Variants in PPP1R12A observed in about 807,000 individuals in gnomAD.
PPP1R12A encodes myosin binding subunit.
PPP1R12A carries 19 observed loss-of-function variants against 139.6 expected under a neutral mutation model. That is an observed-to-expected ratio of 0.14 (90% CI 0.09 to 0.20). PPP1R12A has a LOEUF of 0.20. Ranked by LOEUF, PPP1R12A falls within the 10% of genes least tolerant of loss-of-function variation. PPP1R12A has a pLI of 1.00. For missense variants in PPP1R12A, 925 were observed against 1,211.5 expected, an observed-to-expected ratio of 0.76 and a Z score of 3.51; for synonymous variants, 427 against 420.6, an observed-to-expected ratio of 1.02 and a Z score of -0.19.
chr12:79,892,963 G>A (rs1884797141), intron 1 of PPP1R12A, among the ~76,000 whole-genome samples: 1 of 152,050 alleles, frequency 6.6e-6, no homozygotes, highest in Non-Finnish European at 1.5e-5. Context: ...AATTAGCTGG[G>A]AGTGGTGGCG....
At chr12:79,836,961 T>C (rs1432134677) in intron 3 of PPP1R12A, among the ~76,000 whole-genome samples, 2 of 152,206 alleles carry the variant, frequency 1.3e-5, no homozygotes, top group East Asian at 3.8e-4. Flanking sequence ...GATGCCAATA[T>C]CTATCCCATA....
At chr12:79,819,661 G>A (rs187167414) in intron 8 of PPP1R12A, among the ~76,000 whole-genome samples, 192 of 152,276 alleles carry the variant, frequency 1.3e-3, no homozygotes, top group Non-Finnish European at 2.2e-3. Flanking sequence ...TAGGCTATAG[G>A]TTGAGCACAA....
At chr12:79,835,476 G>A (rs1010915274) in intron 3 of PPP1R12A, among the ~76,000 whole-genome samples, 2 of 152,086 alleles carry the variant, frequency 1.3e-5, no homozygotes, top group Non-Finnish European at 2.9e-5. Context: ...CATCCTATTA[G>A]TTACCAGATT....
chr12:79,893,154 T>C (rs1884820953), intron 1 of PPP1R12A, among the ~76,000 whole-genome samples: 1 of 151,978 alleles, frequency 6.6e-6, no homozygotes, highest in Non-Finnish European at 1.5e-5. Context: ...ACTTTTAACT[T>C]CTCTGGAGGA....
chr12:79,866,771 A>G (rs1044812553), intron 2 of PPP1R12A, among the ~76,000 whole-genome samples: 4 of 152,224 alleles, frequency 2.6e-5, no homozygotes, highest in African/African-American at 9.7e-5. Flanking sequence ...ACAATGAGAT[A>G]CCATCTCACG....
At chr12:79,845,212 A>G in intron 3 of PPP1R12A, 90 bp downstream of exon 3, 1 of 924,160 alleles carries the variant, frequency 1.1e-6, no homozygotes, top group Non-Finnish European at 1.7e-6. Context: ...TGAAATTATG[A>G]TTGCCCTTCA....
At chr12:79,901,773 C>CAAAT (rs1456215142) in intron 1 of PPP1R12A, among the ~76,000 whole-genome samples, 2 of 152,020 alleles carry the variant, frequency 1.3e-5, no homozygotes, top group Non-Finnish European at 1.5e-5. Context: ...AATAAACAAA[C>CAAAT]AAATAAATAC....
chr12:79,817,692 A>C lies in PPP1R12A; in HGVS notation c.1115-174T>G, dbSNP rs543953350. Among the ~76,000 whole-genome samples the C allele has an allele frequency of 1.4e-4, 22 of 152,306 alleles. No individual in the cohort carries two copies. The South Asian group carries it at 4.1e-3, about 29-fold the overall frequency. On this transcript the variant is annotated intron_variant, in intron 8 of 24. Coordinates refer to ENST00000450142, the MANE Select transcript of PPP1R12A (RefSeq NM_002480.3). ...TCAGGGAGCTTCTAGACTTGTCTCT[A>C]TATATATGCTGAAATAAATAGTTAA...
At chr12:79,893,163 G>A (rs1416106635) in intron 1 of PPP1R12A, among the ~76,000 whole-genome samples, 1 of 151,882 alleles carries the variant, frequency 6.6e-6, no homozygotes, top group African/African-American at 2.4e-5. Context: ...TTCTCTGGAG[G>A]AAGATAAAGG....
chr12:79,866,926 C>T (rs936890116), intron 2 of PPP1R12A, among the ~76,000 whole-genome samples: 3 of 152,178 alleles, frequency 2.0e-5, no homozygotes, highest in African/African-American at 7.2e-5. Flanking sequence ...CCGCAAGGAT[C>T]TAGAACCAGA....
intron 2 of PPP1R12A, among the ~76,000 whole-genome samples, chr12:79,855,028 G>A (rs192861236): frequency 1.3e-4 from 19 of 151,942 alleles, no homozygotes; most frequent in East Asian, 1.2e-3. Context: ...TTGCTCTGTC[G>A]CCCAGGCTGG....
chr12:79,858,633 G>T (rs1239484361), intron 2 of PPP1R12A, among the ~76,000 whole-genome samples: 2 of 152,100 alleles, frequency 1.3e-5, no homozygotes, highest in East Asian at 3.9e-4. Flanking sequence ...GGGAGGTGAG[G>T]TTCAAGAATT....
At chr12:79,932,358 T>G (rs1167949138) in intron 1 of PPP1R12A, among the ~76,000 whole-genome samples, 2 of 152,212 alleles carry the variant, frequency 1.3e-5, no homozygotes, top group African/African-American at 4.8e-5. Context: ...GAACTCCCTG[T>G]TTTCATAGTA....
intron 1 of PPP1R12A, among the ~76,000 whole-genome samples, chr12:79,931,143 C>T (rs1460804249): frequency 1.3e-5 from 2 of 152,114 alleles, no homozygotes; most frequent in East Asian, 3.9e-4. Flanking sequence ...ATAAGTATCT[C>T]TAATGTTAAC....
chr12:79,895,048 C>T (rs1052441402), intron 1 of PPP1R12A, among the ~76,000 whole-genome samples: 1 of 152,098 alleles, frequency 6.6e-6, no homozygotes, highest in Non-Finnish European at 1.5e-5. Flanking sequence ...TTTATGCTTA[C>T]GTGTGTGGAT....
At chr12:79,873,491 T>C (rs1237348915) in intron 1 of PPP1R12A, among the ~76,000 whole-genome samples, 1 of 80,060 alleles carries the variant, frequency 1.2e-5, no homozygotes, top group South Asian at 4.8e-4. Flanking sequence ...TTTGTACTCA[T>C]AATTTAAAAA....
chr12:79,887,852 C>T (rs1315722345), intron 1 of PPP1R12A, among the ~76,000 whole-genome samples: 1 of 152,120 alleles, frequency 6.6e-6, no homozygotes, highest in African/African-American at 2.4e-5. Flanking sequence ...TGGAAGACTA[C>T]ACACCAAAGC....
At chr12:79,848,534 A>T (rs1006847821) in intron 2 of PPP1R12A, among the ~76,000 whole-genome samples, 16 of 152,212 alleles carry the variant, frequency 1.1e-4, no homozygotes, top group African/African-American at 3.9e-4. Context: ...TACAGAATTT[A>T]TATAAACAGG....
At chr12:79,825,759 C>A (rs1041650938) in intron 5 of PPP1R12A, among the ~76,000 whole-genome samples, 7 of 151,592 alleles carry the variant, frequency 4.6e-5, no homozygotes, top group African/African-American at 1.7e-4. Context: ...GGAAGGTATC[C>A]AATGACAATA....
Sources: allele counts gnomAD v4.1 joint callset (sites outside exome capture counted in the v4.1 genomes callset), GRCh38; gene constraint gnomAD v4.1.1; transcripts MANE v1.5; gene names NCBI Gene and HGNC (gene_info 2026-07-23, HGNC 2026-07-21).